MAP2: variants seen among roughly 807,000 people sequenced by gnomAD.
MAP2 encodes the protein microtubule associated protein 2, also known as microtubule-associated protein 2.
A neutral mutation model predicts 137.6 loss-of-function variants in MAP2; 14 were observed. The observed-to-expected ratio is 0.10, with a 90% CI of 0.07 to 0.16. MAP2 has a LOEUF of 0.16. Ranked by LOEUF, MAP2 falls within the 10% of genes least tolerant of loss-of-function variation. The probability of loss-of-function intolerance (pLI) is 1.00; values close to 1 mark genes in which losing one functional copy is unlikely to be tolerated. For synonymous variants in MAP2, 786 were observed against 782.3 expected (o/e 1.00, Z -0.08); for missense variants, 2,088 against 2,191.5 (o/e 0.95, Z 0.94).
At chr2:209,722,639 C>T (rs1049954893) in intron 13 of MAP2, among the ~76,000 whole-genome samples, 21 of 152,060 alleles carry the variant, frequency 1.4e-4, no homozygotes, top group Non-Finnish European at 1.9e-4. Context: ...GCTTATATTG[C>T]TTATGTGTCC....
intron 5 of MAP2, among the ~76,000 whole-genome samples, chr2:209,657,664 C>G (rs1205609734): frequency 6.6e-6 from 1 of 151,402 alleles, no homozygotes; most frequent in African/African-American, 2.4e-5. Flanking sequence ...ATTCCTTAGT[C>G]CTTCGTTGGA....
At chr2:209,610,698 A>G (rs752890924) in intron 3 of MAP2, among the ~76,000 whole-genome samples, 3 of 152,160 alleles carry the variant, frequency 2.0e-5, no homozygotes, top group Non-Finnish European at 4.4e-5. Flanking sequence ...GGAATAAGCA[A>G]TCATGGCTAC....
At chr2:209,656,034 T>C (rs1043884824) in intron 5 of MAP2, among the ~76,000 whole-genome samples, 1 of 152,134 alleles carries the variant, frequency 6.6e-6, no homozygotes, top group Non-Finnish European at 1.5e-5. Flanking sequence ...TTCCCCCTTT[T>C]CTCCTTCATT....
intron 2 of MAP2, among the ~76,000 whole-genome samples, chr2:209,555,888 G>T (rs1376252775): frequency 6.6e-6 from 1 of 152,078 alleles, no homozygotes; most frequent in Non-Finnish European, 1.5e-5. Context: ...TCTGCAGTTT[G>T]TAACAGGCCT....
intron 2 of MAP2, among the ~76,000 whole-genome samples, chr2:209,523,409 G>A (rs2063560854): frequency 6.6e-6 from 1 of 152,118 alleles, no homozygotes; most frequent in African/African-American, 2.4e-5. Context: ...CATTGCTGTT[G>A]TTGGATTGCT....
chr2:209,680,530 AT>A (rs377391420), intron 6 of MAP2, among the ~76,000 whole-genome samples: 1,817 of 151,144 alleles, frequency 0.012, 25 homozygotes, highest in African/African-American at 0.03. Context: ...TGATAAAATC[AT>A]TTTTTTTTGA....
chr2:209,444,933 T>A (rs961780977), intron 1 of MAP2, among the ~76,000 whole-genome samples: 1 of 151,554 alleles, frequency 6.6e-6, no homozygotes, highest in African/African-American at 2.4e-5. Context: ...GTCAAGCTTT[T>A]TTGTGATGAT....
intron 1 of MAP2, among the ~76,000 whole-genome samples, chr2:209,479,397 T>A (rs1708179824): frequency 6.6e-6 from 1 of 152,154 alleles, no homozygotes; most frequent in Non-Finnish European, 1.5e-5. Context: ...AGTCTATTAA[T>A]GCAATTATAT....
At chr2:209,464,954 A>C (rs1369080307) in intron 1 of MAP2, among the ~76,000 whole-genome samples, 1 of 152,128 alleles carries the variant, frequency 6.6e-6, no homozygotes, top group Non-Finnish European at 1.5e-5. Flanking sequence ...GTGTGTAAAT[A>C]TATACTGTTC....
chr2:209,428,104 A>C (rs73065172), intron 1 of MAP2, among the ~76,000 whole-genome samples: 4,441 of 152,330 alleles, frequency 0.029, 198 homozygotes, highest in African/African-American at 0.099. Context: ...TCAGAATTTT[A>C]AAATGATGTG....
chr2:209,717,669 T>C (rs2068268330), intron 13 of MAP2, among the ~76,000 whole-genome samples: 1 of 152,146 alleles, frequency 6.6e-6, no homozygotes, highest in Non-Finnish European at 1.5e-5. Context: ...TTATAACATA[T>C]AAGATGAAGA....
chr2:209,705,592 A>G lies in MAP2; in HGVS notation c.4597A>G (p.Lys1533Glu). The G allele has an allele frequency of 1.2e-6, 2 of 1,611,352 alleles. No individual in the cohort carries two copies. The highest frequency in any genetic ancestry group is 1.7e-6 in the Non-Finnish European group (2 of 1,178,586). ...AKDKVSDGVT[K>E]SPEKRSSLPR... is the part of the protein sequence containing the mutation. ...TTTCTCCAATCAGGACGGAGTAACC[A>G]AGAGCCCAGAAAAGCGCTCTTCTCT... The change falls in exon 12 of 16, where the codon AAG (lysine) becomes GAG (glutamate). Residue 1533 changes from lysine (K) to glutamate (E), a missense_variant. Physicochemically the swap from Lys to Glu is moderately conservative, Grantham distance 56. This residue lies in a region of MAP2 where 591 missense variants were observed against 642.6 expected (regional missense o/e 0.92). Coordinates refer to ENST00000682079, the MANE Select transcript of MAP2 (RefSeq NM_001375505.1).
chr2:209,488,504 C>T (rs1470997734), intron 1 of MAP2, among the ~76,000 whole-genome samples: 1 of 152,146 alleles, frequency 6.6e-6, no homozygotes, highest in African/African-American at 2.4e-5. Context: ...GTGGATCCCA[C>T]CCCCACAGAA....
intron 3 of MAP2, among the ~76,000 whole-genome samples, chr2:209,603,476 T>A (rs1176529081): frequency 1.3e-5 from 2 of 152,114 alleles, no homozygotes; most frequent in Non-Finnish European, 2.9e-5. Context: ...CTGCCCCCAG[T>A]GATGTTCCAT....
intron 7 of MAP2, among the ~76,000 whole-genome samples, chr2:209,692,214 A>G (rs1313270225): frequency 6.6e-6 from 1 of 152,016 alleles, no homozygotes; most frequent in Non-Finnish European, 1.5e-5. Flanking sequence ...TCCTTACTAT[A>G]TATTCTTTTG....
intron 4 of MAP2, among the ~76,000 whole-genome samples, chr2:209,630,006 CTGT>C (rs2092810632): frequency 6.6e-6 from 1 of 152,166 alleles, no homozygotes; most frequent in Non-Finnish European, 1.5e-5. Context: ...TGTCTTTTAA[CTGT>C]TTGACCAAAT....
chr2:209,733,184 A>G lies in MAP2; in HGVS notation c.*2787A>G, dbSNP rs2075999413. 6.6e-6 allele frequency: 1 copy of G among 152,634 alleles called. No homozygotes were observed. The highest frequency in any genetic ancestry group is 2.4e-5 in the African/African-American group (1 of 41,452). 9.5% of individuals were successfully genotyped at this position (152,634 alleles called of 1,614,324 possible). A position where few individuals can be genotyped will look rare whatever the true frequency, so the allele number is the denominator to read the frequency against. ...AGAGCTGTGAAGAGTTTAAAGGCCA[A>G]CTTCTCCAGTGAACTCAACCTCTGG... On this transcript the variant is annotated 3_prime_UTR_variant, in exon 16 of 16. Coordinates refer to ENST00000682079, the MANE Select transcript of MAP2 (RefSeq NM_001375505.1).
intron 13 of MAP2, 26 bp downstream of exon 13, chr2:209,710,280 G>T: frequency 6.6e-7 from 1 of 1,516,554 alleles, no homozygotes; most frequent in Non-Finnish European, 9.0e-7. Context: ...ACACATATTT[G>T]CTGCCAGAAA....
chr2:209,584,020 C>T (rs1405987312), intron 3 of MAP2, among the ~76,000 whole-genome samples: 5 of 151,854 alleles, frequency 3.3e-5, no homozygotes, highest in East Asian at 1.9e-4. Context: ...TGAGAATATG[C>T]GGTATTTGGT....
Sources: allele counts gnomAD v4.1 joint callset (sites outside exome capture counted in the v4.1 genomes callset), GRCh38; gene constraint gnomAD v4.1.1; regional missense constraint gnomAD v4.1.1; transcripts MANE v1.5; gene names NCBI Gene and HGNC (gene_info 2026-07-23, HGNC 2026-07-21).